SNRPN: variants seen among roughly 807,000 people sequenced by gnomAD.
SNRPN encodes small nuclear ribonucleoprotein-associated protein N.
SNRPN carries 7 observed loss-of-function variants against 25.2 expected under a neutral mutation model. The ratio of observed to expected loss-of-function variants is 0.28; its 90% CI spans 0.16 to 0.52. The LOEUF is 0.52. Ranked by LOEUF, SNRPN falls within the 20% of genes least tolerant of loss-of-function variation. The pLI is 0.96. For synonymous variants in SNRPN, 124 were observed against 110.6 expected, an observed-to-expected ratio of 1.12 and a Z score of -0.76; for missense variants, 196 against 322.5, an observed-to-expected ratio of 0.61 and a Z score of 3.00.
chr15:24,838,709 C>T (rs550867215), intron 2 of SNRPN, among the ~76,000 whole-genome samples: 1 of 152,184 alleles, frequency 6.6e-6, no homozygotes, highest in Non-Finnish European at 1.5e-5. Flanking sequence ...TGATTTCAGT[C>T]ATCCAGTCCA....
intron 1 of SNRPN, among the ~76,000 whole-genome samples, chr15:24,871,703 AT>A (rs997748962): frequency 1.3e-5 from 2 of 151,518 alleles, no homozygotes; most frequent in African/African-American, 2.4e-5. Context: ...ACTAGCAAAT[AT>A]TTTGTCTCTT....
chr15:24,844,420 T>G (rs936353857), intron 2 of SNRPN, among the ~76,000 whole-genome samples: 3 of 152,234 alleles, frequency 2.0e-5, no homozygotes, highest in Admixed American at 1.3e-4. Flanking sequence ...ATCTGTTAAG[T>G]ACCGAAAATA....
chr15:24,892,798 A>G (rs1360326428), intron 2 of SNRPN, among the ~76,000 whole-genome samples: 2 of 152,198 alleles, frequency 1.3e-5, no homozygotes, highest in Non-Finnish European at 2.9e-5. Context: ...AGAGGGAGGT[A>G]GGCAGAATTG....
chr15:24,851,131 T>A (rs2052785270), intron 2 of SNRPN: 1 of 33,406 alleles, frequency 3.0e-5, no homozygotes, highest in Non-Finnish European at 1.1e-4. Flanking sequence ...TTGCCCAGGC[T>A]GGTGGGGGGA....
intron 1 of SNRPN, among the ~76,000 whole-genome samples, chr15:24,885,915 G>T (rs2150051540): frequency 6.6e-6 from 1 of 152,228 alleles, no homozygotes; most frequent in Non-Finnish European, 1.5e-5. Flanking sequence ...GAACAGACCA[G>T]AACTCTTCTT....
intron 2 of SNRPN, among the ~76,000 whole-genome samples, chr15:24,886,831 A>G (rs959010571): frequency 6.6e-5 from 10 of 152,188 alleles, no homozygotes; most frequent in African/African-American, 2.2e-4. Flanking sequence ...TCTCAGATGC[A>G]TTTATTATTT....
chr15:24,944,288 T>A (rs1268439108), intron 3 of SNRPN, among the ~76,000 whole-genome samples: 1 of 152,238 alleles, frequency 6.6e-6, no homozygotes, highest in Non-Finnish European at 1.5e-5. Context: ...CTGAGCTAAT[T>A]TTCCCCCTAC....
At chr15:24,902,341 A>G (rs2058512594) in intron 2 of SNRPN, among the ~76,000 whole-genome samples, 1 of 152,244 alleles carries the variant, frequency 6.6e-6, no homozygotes, top group Non-Finnish European at 1.5e-5. Flanking sequence ...TGGTCAGGGA[A>G]TGCTATCTAG....
chr15:24,978,069 C>T (rs1566978973), intron 8 of SNRPN, 124 bp from the exon 9 acceptor site: 1 of 1,206,932 alleles, frequency 8.3e-7, no homozygotes, highest in Non-Finnish European at 1.2e-6. Context: ...GAGTAATTGT[C>T]ATATAGAAGT....
At chr15:24,938,492 C>T (rs1394426880) in intron 3 of SNRPN, among the ~76,000 whole-genome samples, 1 of 152,108 alleles carries the variant, frequency 6.6e-6, no homozygotes, top group African/African-American at 2.4e-5. Flanking sequence ...ACTGTCTGGT[C>T]TTGAACTCCT....
chr15:24,929,920 G>A lies in SNRPN; in HGVS notation c.-391+9796G>A, dbSNP rs1280667557. On this transcript the variant is annotated intron_variant, in intron 3 of 11. Coordinates refer to the SNRPN transcript ENST00000400097. This position sits in a 1 kb window ranked among gnomAD's most constrained non-coding sequence, Gnocchi z 5.3. ...AATAAAAAAATGGCCAGGCACGGTG[G>A]CTCACACCTATAATCCCAGCACTTT... 6.6e-6 allele frequency among the ~76,000 whole-genome samples: 1 copy of A among 152,016 alleles called. No homozygotes were observed. The highest frequency in any genetic ancestry group is 1.5e-5 in the Non-Finnish European group (1 of 68,016).
chr15:24,924,607 C>T (rs982302434), intron 3 of SNRPN, among the ~76,000 whole-genome samples: 4 of 151,912 alleles, frequency 2.6e-5, no homozygotes, highest in African/African-American at 9.7e-5. Context: ...CTCAGTCTCT[C>T]AAGTAGCTAG....
intron 2 of SNRPN, among the ~76,000 whole-genome samples, chr15:24,901,027 T>C (rs2058411642): frequency 6.6e-6 from 1 of 151,998 alleles, no homozygotes. Context: ...GCCCTGGAGG[T>C]TGAGGGTGCA....
upstream of SNRPN, among the ~76,000 whole-genome samples, chr15:24,854,384 A>C (rs1216386930): frequency 2.6e-5 from 4 of 152,230 alleles, no homozygotes; most frequent in African/African-American, 9.6e-5. Flanking sequence ...ATATGTGATC[A>C]TGTAGATCAC....
chr15:24,865,348 A>G (rs1238126266), intron 1 of SNRPN, among the ~76,000 whole-genome samples: 3 of 152,146 alleles, frequency 2.0e-5, no homozygotes, highest in Middle Eastern at 3.2e-3. Context: ...CGCCCAGCTG[A>G]GACTTAACAT....
chr15:24,961,005 C>T (rs188286221), intron 1 of SNRPN, among the ~76,000 whole-genome samples: 4 of 152,122 alleles, frequency 2.6e-5, no homozygotes, highest in Admixed American at 6.5e-5. Flanking sequence ...AGAAACTTAG[C>T]TGTATGTTAA....
At chr15:24,838,386 T>G (rs990940416) in intron 2 of SNRPN, among the ~76,000 whole-genome samples, 1 of 152,114 alleles carries the variant, frequency 6.6e-6, no homozygotes, top group Non-Finnish European at 1.5e-5. Flanking sequence ...TCCATCCTTT[T>G]CCAGTACACA....
chr15:24,840,006 G>T (rs1196733344), intron 2 of SNRPN, among the ~76,000 whole-genome samples: 2 of 152,178 alleles, frequency 1.3e-5, no homozygotes, highest in Non-Finnish European at 2.9e-5. Context: ...CTGGCATTCT[G>T]GCCACGAGGT....
At chr15:24,879,956 C>T (rs193114750) in intron 1 of SNRPN, among the ~76,000 whole-genome samples, 1 of 152,260 alleles carries the variant, frequency 6.6e-6, no homozygotes, top group East Asian at 1.9e-4. Flanking sequence ...GTGGGTGAAC[C>T]TGTTGAGTTA....
Sources: allele counts gnomAD v4.1 joint callset (sites outside exome capture counted in the v4.1 genomes callset), GRCh38; gene constraint gnomAD v4.1.1; non-coding constraint Gnocchi (gnomAD v3.1); transcripts MANE v1.5; gene names NCBI Gene and HGNC (gene_info 2026-07-23, HGNC 2026-07-21).